TMC2: variants seen among roughly 807,000 people sequenced by gnomAD.
TMC2 encodes transmembrane channel like 2, also known as transmembrane channel-like protein 2.
In TMC2, 102 loss-of-function variants were observed where a neutral mutation model predicts 105.9. That is an observed-to-expected ratio of 0.96 (90% CI 0.82 to 1.14). The LOEUF is 1.14. Among genes scored for constraint, TMC2 ranks in the 50% most tolerant of loss-of-function variants. The pLI, the probability that TMC2 is intolerant of heterozygous loss-of-function variation, is 0.00. For synonymous variants in TMC2, 402 were observed against 422.8 expected (o/e 0.95, Z 0.60); for missense variants, 1,093 against 1,134.3 (o/e 0.96, Z 0.52).
chr20:2,583,628 A>C (rs770119152), intron 7 of TMC2, among the ~76,000 whole-genome samples: 2 of 151,916 alleles, frequency 1.3e-5, no homozygotes, highest in African/African-American at 4.8e-5. Context: ...ACGCCCTGCT[A>C]ATTTTTGTAT....
Position 2,610,481 on chromosome 20 carries a change from C to T in TMC2, c.1476C>T (p.Ala492=). The change falls in exon 12 of 20, where the codon GCC becomes GCT. Residue 492 remains alanine, a synonymous_variant. Transcript: ENST00000358864. Reference sequence around the variant, plus strand: ...CCCCTCTGTTTGAAACCATCGCTGCCCTGGAGAATTACCACCCACGCACTG... The same window carrying T: ...CCCCTCTGTTTGAAACCATCGCTGCTCTGGAGAATTACCACCCACGCACTG... The part of the protein sequence containing the change: ...FCPPLFETIA[A]LENYHPRTGL... 3 of 1,613,678 alleles carry T rather than the reference C, an allele frequency of 1.9e-6. No individual in the cohort carries two copies. The highest frequency in any genetic ancestry group is 2.5e-6 in the Non-Finnish European group (3 of 1,179,836).
chr20:2,614,140 C>A (rs988067562), intron 14 of TMC2: 1 of 151,898 alleles, frequency 6.6e-6, no homozygotes, highest in Non-Finnish European at 1.5e-5. Flanking sequence ...TGTCTGAGAA[C>A]GAAGATGAAA....
intron 4 of TMC2, among the ~76,000 whole-genome samples, chr20:2,568,292 C>T (rs2086078341): frequency 6.6e-6 from 1 of 152,154 alleles, no homozygotes; most frequent in Non-Finnish European, 1.5e-5. Context: ...AACTTCTCAT[C>T]AGAAACCATG....
chr20:2,545,851 AAG>A (rs377250132), intron 2 of TMC2, among the ~76,000 whole-genome samples: 7,997 of 98,514 alleles, frequency 0.081, 262 homozygotes, highest in East Asian at 0.13. Context: ...GAAAGAAAGA[AAG>A]AGAAAGAAAG....
At chr20:2,601,512 C>T in intron 10 of TMC2, among the ~76,000 whole-genome samples, 1 of 152,188 alleles carries the variant, frequency 6.6e-6, no homozygotes, top group Admixed American at 6.5e-5. Context: ...TGGGTAATAA[C>T]AGTAACTATT....
intron 17 of TMC2, among the ~76,000 whole-genome samples, chr20:2,625,762 C>A (rs1347793969): frequency 6.6e-6 from 1 of 152,218 alleles, no homozygotes; most frequent in Non-Finnish European, 1.5e-5. Context: ...CATCTAGAAG[C>A]AGAATTGTGG....
chr20:2,618,090 C>T (rs1464104767), intron 16 of TMC2: 4 of 152,240 alleles, frequency 2.6e-5, no homozygotes, highest in African/African-American at 9.6e-5. Flanking sequence ...CCCTGCTGTG[C>T]TATGGAACAC....
chr20:2,562,303 G>A (rs1465008885), intron 4 of TMC2, among the ~76,000 whole-genome samples: 3 of 152,346 alleles, frequency 2.0e-5, no homozygotes, highest in Middle Eastern at 3.4e-3. Flanking sequence ...TGGCTTCTGT[G>A]CCTCCCTCAC....
Position 2,610,572 on chromosome 20 carries a change from G to T in TMC2, c.1567G>T (p.Ala523Ser), listed in dbSNP as rs747713547. 6 of 1,604,550 alleles carry T rather than the reference G, an allele frequency of 3.7e-6. No homozygotes were observed. The Admixed American group carries it at 5.1e-5, about 14-fold the overall frequency. The change falls in exon 12 of 20, where the codon GCC becomes TCC. Residue 523 changes from alanine to serine, a missense_variant. By Grantham distance (99) the Ala-to-Ser change is moderately conservative (BLOSUM62 1). Transcript: ENST00000358864. ...GGGGAACCTCTACACATTTCTCTTG[G>T]CCCTGATGGATGACGTCCACCTCAA... ...FLGNLYTFLL[A>S]LMDDVHLKLA...
At chr20:2,590,603 A>G (rs1267995692) in intron 7 of TMC2, among the ~76,000 whole-genome samples, 6 of 152,106 alleles carry the variant, frequency 3.9e-5, no homozygotes, top group Non-Finnish European at 1.5e-5. Context: ...AAAAATCAAA[A>G]GAAACATGAT....
intron 2 of TMC2, among the ~76,000 whole-genome samples, chr20:2,544,680 T>C (rs767065376): frequency 1.3e-5 from 2 of 152,220 alleles, no homozygotes; most frequent in Non-Finnish European, 2.9e-5. Flanking sequence ...GGGAGTTTTA[T>C]GGCCTTACTG....
chr20:2,570,219 T>C (rs554869436), intron 4 of TMC2, among the ~76,000 whole-genome samples: 1 of 152,266 alleles, frequency 6.6e-6, no homozygotes, highest in South Asian at 2.1e-4. Flanking sequence ...TCTTTGCTGA[T>C]TATATGATTC....
intron 16 of TMC2, among the ~76,000 whole-genome samples, chr20:2,618,581 T>C (rs2086501941): frequency 6.6e-6 from 1 of 152,196 alleles, no homozygotes; most frequent in Non-Finnish European, 1.5e-5. Context: ...CTCCAGAGCA[T>C]TGGCCTGGGG....
intron 2 of TMC2, among the ~76,000 whole-genome samples, chr20:2,555,608 T>A (rs1451634351): frequency 6.6e-6 from 1 of 152,228 alleles, no homozygotes; most frequent in African/African-American, 2.4e-5. Context: ...CTTTCTTTAG[T>A]TGGTGTACTG....
rs1208244525 is a variant in TMC2, at chr20:2,553,780, T to G, written c.83-4676T>G. Among the ~76,000 whole-genome samples, 4 of 152,244 alleles carry G rather than the reference T, an allele frequency of 2.6e-5. No individual in the cohort carries two copies. The East Asian group carries it at 7.7e-4, about 29-fold the overall frequency. Reference sequence around the variant, plus strand: ...TATTCAGATTACTTATTTCGCTTTGTGTGAGTTTTGGTAGATTGTGTTTTT... The same window carrying G: ...TATTCAGATTACTTATTTCGCTTTGGGTGAGTTTTGGTAGATTGTGTTTTT... On this transcript the variant is annotated intron_variant, in intron 2 of 19. Transcript: ENST00000358864.
At chr20:2,545,738 T>C (rs10460653) in intron 2 of TMC2, among the ~76,000 whole-genome samples, 1 of 128,896 alleles carries the variant, frequency 7.8e-6, no homozygotes, top group Non-Finnish European at 1.6e-5. Context: ...AAGAAGAAGA[T>C]GAAGATGAAG....
At chr20:2,612,372 C>A (rs925636621) in intron 13 of TMC2, 32 bp downstream of exon 13, 24 of 1,492,504 alleles carry the variant, frequency 1.6e-5, no homozygotes, top group Non-Finnish European at 2.1e-5. Flanking sequence ...AAAGGTGACC[C>A]CTGTTCTCAG....
chr20:2,614,908 A>C (rs2086468933), intron 14 of TMC2, among the ~76,000 whole-genome samples: 2 of 152,302 alleles, frequency 1.3e-5, no homozygotes, highest in African/African-American at 2.4e-5. Flanking sequence ...AAAAAATGAA[A>C]ATATAAATTT....
intron 17 of TMC2, among the ~76,000 whole-genome samples, chr20:2,630,568 T>C (rs553894516): frequency 6.6e-6 from 1 of 152,178 alleles, no homozygotes; most frequent in South Asian, 2.1e-4. Flanking sequence ...ATGCTGGTAA[T>C]ACCAGCACTT....
Sources: gnomAD v4.1 joint callset for allele counts (sites outside exome capture counted in the v4.1 genomes callset) on GRCh38, gnomAD v4.1.1 for gene constraint, MANE v1.5 for transcripts, NCBI Gene and HGNC (gene_info 2026-07-23, HGNC 2026-07-21) for gene names.